The following DDB1 variants were observed in gnomAD, a reference collection of about 807,000 sequenced individuals.
DDB1 encodes the protein damage specific DNA binding protein 1.
In DDB1, 18 loss-of-function variants were observed where a neutral mutation model predicts 133.1. The observed-to-expected ratio is 0.14, with a 90% confidence interval of 0.09 to 0.20. DDB1 has a LOEUF of 0.20. DDB1 is among the 10% of genes least tolerant of loss of function. The pLI, the probability that DDB1 is intolerant of heterozygous loss-of-function variation, is 1.00. For synonymous variants in DDB1, 580 were observed against 550.5 expected, an observed-to-expected ratio of 1.05 and a Z score of -0.75; for missense variants, 828 against 1,459.2, an observed-to-expected ratio of 0.57 and a Z score of 7.05.
chr11:61,309,859 T>C lies in DDB1; in HGVS notation c.2503A>G (p.Met835Val), dbSNP rs201599936. ...PNTYFIVGTA[M>V]VYPEEAEPKQ... ...GGCTCTGCCTCTTCAGGATACACCA[T>C]TGCTGTGCCCACAATGAAGTAAGTG... Residue 835 changes from methionine (M) to valine (V), a missense_variant, in exon 20 of 27, where the codon ATG (methionine) becomes GTG (valine). Transcript: ENST00000301764. 12 of 1,614,200 alleles carry C rather than the reference T, an allele frequency of 7.4e-6. No individual in the cohort carries two copies. The highest frequency in any genetic ancestry group is 1.3e-5 in the African/African-American group (1 of 75,048).
chr11:61,321,738 T>C, intron 9 of DDB1, 41 bp from the exon 10 acceptor site: 2 of 1,565,552 alleles, frequency 1.3e-6, no homozygotes, highest in Non-Finnish European at 1.8e-6. Flanking sequence ...CCCCTCAAGA[T>C]ACTGGGCCAG....
At position 61,316,976 on chromosome 11, in the gene DDB1, T is replaced by TATATAC. The variant is rs1484692624; in HGVS notation, c.1226-410_1226-409insGTATAT. 2.4e-3 allele frequency among the ~76,000 whole-genome samples: 137 copies of TATATAC among 56,602 alleles called. 15 individuals carry two copies. Among genetic ancestry groups the TATATAC allele is most frequent in the Admixed American group, 0.015 (83 of 5,358 alleles). The allele number at this position is 56,602 out of a possible 152,430, so 37.1% of individuals were successfully genotyped here. A position where few individuals can be genotyped will look rare whatever the true frequency, so the allele number is the denominator to read the frequency against. On this transcript the variant is annotated intron_variant, in intron 10 of 26. Transcript: ENST00000301764. ...ATATATATATATATATATATATATA[T>TATATAC]ATATATATATATATATATATATAGA...
rs777664894 is a variant in DDB1, at chr11:61,314,321, G to A, written c.1576C>T (p.Leu526Phe). 7.4e-6 allele frequency: 12 copies of A among 1,611,326 alleles called. No individual in the cohort carries two copies. In the African/African-American group the frequency reaches 1.5e-4, roughly 20 times the overall value. The change falls in exon 13 of 27, where the codon CTC becomes TTC. Residue 526 changes from leucine (L) to phenylalanine (F), a missense_variant. Leu to Phe is a conservative substitution (Grantham distance 22). This residue lies in a region of DDB1 where 396 missense variants were observed against 554.1 expected (regional missense o/e 0.71). Coordinates refer to ENST00000301764, the MANE Select transcript of DDB1 (RefSeq NM_001923.5). Reference protein sequence around the residue: ...LYYLQIHPQELRQISHTEMEH... With the variant: ...LYYLQIHPQEFRQISHTEMEH... Reference sequence around the variant, plus strand: ...AAACACACACACCTGATCTGCCGGAGCTCCTGAGGATGGATCTGCAGATAG... The same window carrying A: ...AAACACACACACCTGATCTGCCGGAACTCCTGAGGATGGATCTGCAGATAG...
At chr11:61,328,700 G>A (rs1042979069) in intron 4 of DDB1, among the ~76,000 whole-genome samples, 1 of 151,930 alleles carries the variant, frequency 6.6e-6, no homozygotes, top group East Asian at 1.9e-4. Context: ...GTGAAACCAC[G>A]TCTCTACTAA....
chr11:61,300,755 G>A, intron 26 of DDB1, 54 bp downstream of exon 26: 1 of 1,605,348 alleles, frequency 6.2e-7, no homozygotes, highest in Admixed American at 1.7e-5. Context: ...CTCCTGGCAT[G>A]CCCCAACCTG....
chr11:61,305,061 C>T (rs1323648477), intron 21 of DDB1, among the ~76,000 whole-genome samples: 1 of 152,174 alleles, frequency 6.6e-6, no homozygotes, highest in African/African-American at 2.4e-5. Context: ...TGACAAGCCT[C>T]CCCTGGCAGA....
At chr11:61,316,945 A>T (rs1856083038) in intron 10 of DDB1, among the ~76,000 whole-genome samples, 1 of 35,068 alleles carries the variant, frequency 2.9e-5, no homozygotes, top group Non-Finnish European at 4.2e-5. Flanking sequence ...AAAAAAGGAT[A>T]GATATATATA....
At position 61,306,980 on chromosome 11, in the gene DDB1, T is replaced by G. The variant is rs535062350; in HGVS notation, c.2661+2003A>C. 2.0e-5 allele frequency among the ~76,000 whole-genome samples: 3 copies of G among 152,250 alleles called. No homozygotes were observed. In the South Asian group the frequency reaches 6.2e-4, roughly 32 times the overall value. On this transcript the variant is annotated intron_variant, in intron 21 of 26. Transcript: ENST00000301764. Reference sequence around the variant, plus strand: ...CCACTCTACTCAAATTGCCAATACCTCCTTCCCATCTTCTCTCTCAGCAAT... The same window carrying G: ...CCACTCTACTCAAATTGCCAATACCGCCTTCCCATCTTCTCTCTCAGCAAT...
chr11:61,310,024 C>T lies in DDB1; in HGVS notation c.2402-64G>A, dbSNP rs56128340. Reference sequence around the variant, plus strand: ...CCATATCTGCACGCACACATAACCCCGTATTTCTGAGGCCTGTGGCTTAGG... The same window carrying T: ...CCATATCTGCACGCACACATAACCCTGTATTTCTGAGGCCTGTGGCTTAGG... On this transcript the variant is annotated intron_variant, in intron 19 of 26. Transcript: ENST00000301764. 2.7e-5 allele frequency: 44 copies of T among 1,604,956 alleles called. No individual in the cohort carries two copies. The African/African-American group carries it at 5.1e-4, about 19-fold the overall frequency.
intron 21 of DDB1, among the ~76,000 whole-genome samples, chr11:61,305,446 G>A (rs867483196): frequency 6.6e-6 from 1 of 152,222 alleles, no homozygotes; most frequent in Non-Finnish European, 1.5e-5. Flanking sequence ...GTCGGAGGTT[G>A]CAGTGAGCCA....
intron 10 of DDB1, among the ~76,000 whole-genome samples, chr11:61,317,319 T>A (rs1404697054): frequency 4.0e-5 from 6 of 151,774 alleles, no homozygotes; most frequent in Non-Finnish European, 1.5e-5. Flanking sequence ...TTCACCATGT[T>A]AGCCAGGATG....
intron 4 of DDB1, among the ~76,000 whole-genome samples, chr11:61,328,699 CGTCTCTACTAAAA>C (rs1856310264): frequency 6.6e-6 from 1 of 151,978 alleles, no homozygotes; most frequent in African/African-American, 2.4e-5. Context: ...GGTGAAACCA[CGTCTCTACTAAAA>C]ATACAAAAAT....
chr11:61,331,765 T>G, intron 1 of DDB1, 74 bp from the exon 2 acceptor site: 1 of 1,573,450 alleles, frequency 6.4e-7, no homozygotes, highest in South Asian at 1.1e-5. Context: ...TCCTATCACT[T>G]ATGTCTAAAT....
intron 21 of DDB1, 117 bp downstream of exon 21, chr11:61,308,866 G>T: frequency 1.0e-6 from 1 of 991,444 alleles, no homozygotes; most frequent in Non-Finnish European, 1.6e-6. Context: ...CTCCACACCC[G>T]CTACTTTGTT....
intron 20 of DDB1, 30 bp downstream of exon 20, chr11:61,309,764 TCC>T: frequency 6.3e-7 from 1 of 1,598,336 alleles, no homozygotes. Flanking sequence ...GCATTTCACA[TCC>T]CTCAGAAACT....
chr11:61,305,230 G>A (rs917773035), intron 21 of DDB1, among the ~76,000 whole-genome samples: 20 of 152,160 alleles, frequency 1.3e-4, no homozygotes, highest in Admixed American at 1.2e-3. Flanking sequence ...AATGGTTGGC[G>A]GGGCGCAGTG....
rs369610691 is a variant in DDB1, at chr11:61,313,817, T to C, written c.1861+45A>G. 31 of 1,607,030 alleles carry C rather than the reference T, an allele frequency of 1.9e-5. No individual in the cohort carries two copies. In the African/African-American group the frequency reaches 3.5e-4, roughly 18 times the overall value. ...GACTAAGAATTCTGTGTAATTCTAATACTCTATTTTTGAAAGAGTCCCTCA... is the reference window on the plus strand; with the variant it reads ...GACTAAGAATTCTGTGTAATTCTAACACTCTATTTTTGAAAGAGTCCCTCA... On this transcript the variant is annotated intron_variant, in intron 15 of 26. Transcript: ENST00000301764.
rs920278231 is a variant in DDB1, at chr11:61,303,361, G to C, written c.2833-206C>G. The C allele has an allele frequency of 9.6e-6, 5 of 518,348 alleles. 1 individual carries two copies. The South Asian group carries it at 1.0e-4, about 11-fold the overall frequency. 32.1% of individuals were successfully genotyped at this position (518,348 alleles called of 1,614,324 possible). A position where few individuals can be genotyped will look rare whatever the true frequency, so the allele number is the denominator to read the frequency against. ...TGGTTGCCAACTGCCCAGAGATGGA[G>C]CCTAGTCAGAGTTTGAGTTGGGAGT... On this transcript the variant is annotated intron_variant, in intron 22 of 26. Coordinates refer to ENST00000301764, the MANE Select transcript of DDB1 (RefSeq NM_001923.5).
chr11:61,316,684 G>A, intron 10 of DDB1, 117 bp from the exon 11 acceptor site: 1 of 1,086,026 alleles, frequency 9.2e-7, no homozygotes, highest in South Asian at 1.3e-5. Flanking sequence ...CACTTGGGAA[G>A]GCAGAGGCAG....
Sources: allele counts gnomAD v4.1 joint callset (sites outside exome capture counted in the v4.1 genomes callset), GRCh38; gene constraint gnomAD v4.1.1; regional missense constraint gnomAD v4.1.1; transcripts MANE v1.5; gene names NCBI Gene and HGNC (gene_info 2026-07-23, HGNC 2026-07-21).